The following BRD4 variants were observed in gnomAD, a reference collection of about 807,000 sequenced individuals.
The protein encoded by BRD4 is bromodomain containing 4, also known as bromodomain-containing protein 4.
In BRD4, 16 loss-of-function variants were observed where a neutral mutation model predicts 142.1. The observed-to-expected ratio is 0.11, with a 90% CI of 0.08 to 0.17. The LOEUF is 0.17. BRD4 is among the 10% of genes least tolerant of loss of function. BRD4 has a pLI of 1.00. For missense variants in BRD4, 1,424 were observed against 1,810.9 expected (o/e 0.79, Z 3.88); for synonymous variants, 833 against 707.5 (o/e 1.18, Z -2.82).
rs200923714 is a variant in BRD4, at chr19:15,257,221, C to T, written c.1342-48G>A. On this transcript the variant is annotated intron_variant, in intron 7 of 19. Coordinates refer to ENST00000679869, the MANE Select transcript of BRD4 (RefSeq NM_001379291.1). ...TGACGGCTGCTGGGTACCCAGGCCG[C>T]GGCCTAGCATCACCTGCCCTCATTG... 182 of 1,530,262 alleles carry T rather than the reference C, an allele frequency of 1.2e-4. 1 individual carries two copies. In the African/African-American group the frequency reaches 1.4e-3, roughly 12 times the overall value. The allele number at this position is 1,530,262 out of a possible 1,614,324, so 94.8% of individuals were successfully genotyped here. A position where few individuals can be genotyped will look rare whatever the true frequency, so the allele number is the denominator to read the frequency against.
intron 1 of BRD4, among the ~76,000 whole-genome samples, chr19:15,283,895 C>CCCA (rs1307032088): frequency 6.6e-6 from 1 of 152,192 alleles, no homozygotes; most frequent in Non-Finnish European, 1.5e-5. Flanking sequence ...ACCCAACACC[C>CCCA]CCACCAGCAA....
At chr19:15,308,835 G>C (rs2047940778) in intron 1 of BRD4, among the ~76,000 whole-genome samples, 1 of 150,626 alleles carries the variant, frequency 6.6e-6, no homozygotes, top group African/African-American at 2.4e-5. Flanking sequence ...CCAGCATGGT[G>C]AAACCCCGTC....
chr19:15,332,039 G>A (rs973472144), intron 1 of BRD4: 17 of 139,652 alleles, frequency 1.2e-4, no homozygotes, highest in East Asian at 6.3e-4. Context: ...CGGCACCAAA[G>A]GCAGGACAGC....
chr19:15,292,788 A>G (rs1476186617), intron 1 of BRD4, among the ~76,000 whole-genome samples: 1 of 23,876 alleles, frequency 4.2e-5, no homozygotes, highest in Non-Finnish European at 8.2e-5. Flanking sequence ...AAAAAAAAAA[A>G]AAAAAAAAAA....
At chr19:15,267,898 T>C (rs1320238400) in intron 3 of BRD4, among the ~76,000 whole-genome samples, 1 of 152,206 alleles carries the variant, frequency 6.6e-6, no homozygotes, top group South Asian at 2.1e-4. Flanking sequence ...CAGAAATACG[T>C]GAATGACACA....
At chr19:15,248,182 T>G (rs532117290) in intron 11 of BRD4, 2 of 220,208 alleles carry the variant, frequency 9.1e-6, no homozygotes, top group Non-Finnish European at 1.8e-5. Context: ...GCTGGATTTG[T>G]GACCAAAAAA....
intron 1 of BRD4, among the ~76,000 whole-genome samples, chr19:15,283,077 A>G (rs2047716750): frequency 6.6e-6 from 1 of 152,216 alleles, no homozygotes; most frequent in African/African-American, 2.4e-5. Flanking sequence ...CCAGGGAGCA[A>G]TGCAGATCAC....
At chr19:15,253,935 A>G (rs530989350) in intron 11 of BRD4, 12 of 751,042 alleles carry the variant, frequency 1.6e-5, no homozygotes, top group South Asian at 7.3e-5. Flanking sequence ...CAGGGAGAGC[A>G]TAACGGCCAG....
At chr19:15,287,650 T>C (rs530339047) in intron 1 of BRD4, among the ~76,000 whole-genome samples, 2 of 152,242 alleles carry the variant, frequency 1.3e-5, no homozygotes, top group Non-Finnish European at 2.9e-5. Flanking sequence ...TTTCTGTCTC[T>C]GTGGAAGTGA....
chr19:15,328,759 C>T (rs2048131499), intron 1 of BRD4, among the ~76,000 whole-genome samples: 1 of 152,176 alleles, frequency 6.6e-6, no homozygotes. Flanking sequence ...CTGCCCTCAT[C>T]CAACTTACAT....
intron 11 of BRD4, among the ~76,000 whole-genome samples, chr19:15,252,003 C>T (rs915224560): frequency 5.3e-5 from 8 of 152,230 alleles, no homozygotes; most frequent in South Asian, 2.1e-4. Flanking sequence ...CCCTCCTTCC[C>T]GCCAGGACAG....
intron 1 of BRD4, among the ~76,000 whole-genome samples, chr19:15,278,000 G>A (rs2047666122): frequency 6.8e-6 from 1 of 147,542 alleles, no homozygotes; most frequent in South Asian, 2.2e-4. Context: ...CAGCTACTTG[G>A]GAGGCTGAGG....
chr19:15,262,776 GAC>G (rs751197005), intron 7 of BRD4, among the ~76,000 whole-genome samples: 9 of 151,996 alleles, frequency 5.9e-5, no homozygotes, highest in East Asian at 5.8e-4. Context: ...ACTAAATATT[GAC>G]TTTATTCTCC....
chr19:15,294,472 C>A (rs2047807896), intron 1 of BRD4, among the ~76,000 whole-genome samples: 1 of 152,280 alleles, frequency 6.6e-6, no homozygotes, highest in Non-Finnish European at 1.5e-5. Flanking sequence ...AAGCACTGAA[C>A]TCAAGCGAAG....
At chr19:15,294,343 A>G (rs1599496707) in intron 1 of BRD4, among the ~76,000 whole-genome samples, 1 of 152,264 alleles carries the variant, frequency 6.6e-6, no homozygotes, top group Non-Finnish European at 1.5e-5. Context: ...ACAGGCACCC[A>G]GCCCTCAAGA....
At chr19:15,240,506 A>G (rs553932014) in intron 14 of BRD4, among the ~76,000 whole-genome samples, 58 of 152,216 alleles carry the variant, frequency 3.8e-4, no homozygotes, top group African/African-American at 1.3e-3. Context: ...GGGGGTGGGG[A>G]TGCTCAGGAC....
chr19:15,293,045 C>G (rs1436578454), intron 1 of BRD4, among the ~76,000 whole-genome samples: 3 of 152,036 alleles, frequency 2.0e-5, no homozygotes, highest in African/African-American at 7.2e-5. Flanking sequence ...TCCACAACAG[C>G]CGACTACTGT....
Position 15,269,034 on chromosome 19 carries a change from A to G in BRD4, c.294T>C (p.Tyr98=), listed in dbSNP as rs751885048. The stretch of plus-strand genomic sequence containing the variant: ...TATCCATAGGCGTTTTAATGATCTT[A>G]TAGTAATCCTGGAGAGCAGAGAGCA... ...DAVKLNLPDY[Y]KIIKTPMDMG... The change falls in exon 3 of 20, where the codon TAT becomes TAC. Residue 98 remains tyrosine (Y), a synonymous_variant. Transcript: ENST00000679869. 6.2e-7 allele frequency: 1 copy of G among 1,614,110 alleles called. No homozygotes were observed. The highest frequency in any genetic ancestry group is 1.1e-5 in the South Asian group (1 of 91,082).
At chr19:15,265,078 C>A (rs543292559) in intron 5 of BRD4, among the ~76,000 whole-genome samples, 75 of 152,278 alleles carry the variant, frequency 4.9e-4, no homozygotes, top group South Asian at 1.4e-3. Context: ...AGGGGAGGCA[C>A]AATTCAGAGA....
Sources: allele counts gnomAD v4.1 joint callset (sites outside exome capture counted in the v4.1 genomes callset), GRCh38; gene constraint gnomAD v4.1.1; transcripts MANE v1.5; gene names NCBI Gene and HGNC (gene_info 2026-07-23, HGNC 2026-07-21).